The following HERC3 variants were observed in gnomAD, a reference collection of about 807,000 sequenced individuals.
The protein encoded by HERC3 is HECT and RLD domain containing E3 ubiquitin protein ligase 3.
HERC3 carries 58 observed loss-of-function variants against 129.9 expected under a neutral mutation model. The observed-to-expected ratio is 0.45, with a 90% confidence interval of 0.36 to 0.56. HERC3 has a LOEUF of 0.56. HERC3 is among the 20% of genes least tolerant of loss of function. The pLI is 0.00. For synonymous variants in HERC3, 430 were observed against 451.0 expected (o/e 0.95, Z 0.59); for missense variants, 835 against 1,244.2 (o/e 0.67, Z 4.95).
the HERC3 span, among the ~76,000 whole-genome samples, chr4:88,537,209 C>T: frequency 3.3e-5 from 5 of 152,154 alleles, no homozygotes; most frequent in African/African-American, 1.2e-4. Flanking sequence ...ATTTTTATAG[C>T]AAAAGGAAAA....
intron 3 of HERC3, among the ~76,000 whole-genome samples, chr4:88,648,725 A>AT (rs951128783): frequency 2.0e-4 from 30 of 151,014 alleles, no homozygotes; most frequent in South Asian, 1.1e-3. Context: ...TTTTCTTGTG[A>AT]TTTTTTTTTG....
At position 88,605,779 on chromosome 4, in the gene HERC3, T is replaced by G. The variant is rs759216532; in HGVS notation, c.-29-16T>G. Reference sequence around the variant, plus strand: ...TCTTTTTAATTAAAAAATAATTTTTTTAAACTCTCTCCTAGGCTACATGAT... The same window carrying G: ...TCTTTTTAATTAAAAAATAATTTTTGTAAACTCTCTCCTAGGCTACATGAT... On this transcript the variant is annotated splice_polypyrimidine_tract_variant and intron_variant, in intron 2 of 25. Transcript: ENST00000402738. 26 of 1,481,886 alleles carry G rather than the reference T, an allele frequency of 1.8e-5. No individual in the cohort carries two copies. Among genetic ancestry groups the G allele is most frequent in the Non-Finnish European group, 2.4e-5 (26 of 1,075,880 alleles). 91.8% of individuals were successfully genotyped at this position (1,481,886 alleles called of 1,614,324 possible).
At chr4:88,566,652 C>T in the HERC3 span, among the ~76,000 whole-genome samples, 6 of 152,194 alleles carry the variant, frequency 3.9e-5, no homozygotes, top group African/African-American at 1.4e-4. Context: ...TGAAGAACTC[C>T]CTTTAACATT....
At chr4:88,623,478 A>T (rs1725762014) in intron 3 of HERC3, among the ~76,000 whole-genome samples, 1 of 152,224 alleles carries the variant, frequency 6.6e-6, no homozygotes, top group African/African-American at 2.4e-5. Flanking sequence ...ATGAATGAAT[A>T]GCTCATTATC....
At chr4:88,541,460 C>T in the HERC3 span, among the ~76,000 whole-genome samples, 3 of 152,170 alleles carry the variant, frequency 2.0e-5, no homozygotes, top group Non-Finnish European at 4.4e-5. Flanking sequence ...TAGAGACCTA[C>T]AAAGAGACTT....
rs904564174 is a variant in HERC3, at chr4:88,707,133, T to C, written c.*173T>C. 1 of 621,900 alleles carries C rather than the reference T, an allele frequency of 1.6e-6. No individual in the cohort carries two copies. The allele number at this position is 621,900 out of a possible 1,614,324, so 38.5% of individuals were successfully genotyped here. A position where few individuals can be genotyped will look rare whatever the true frequency, so the allele number is the denominator to read the frequency against. Reference sequence around the variant, plus strand: ...GATTGTATAGCAGTAAACAACCTTTTTGAAAAATTAGAGGTTGGGGATGGG... The same window carrying C: ...GATTGTATAGCAGTAAACAACCTTTCTGAAAAATTAGAGGTTGGGGATGGG... On this transcript the variant is annotated 3_prime_UTR_variant, in exon 26 of 26. Transcript: ENST00000402738.
At chr4:88,669,527 G>C (rs538344583) in intron 14 of HERC3, among the ~76,000 whole-genome samples, 2 of 152,250 alleles carry the variant, frequency 1.3e-5, no homozygotes, top group Middle Eastern at 3.4e-3. Context: ...ACATAAGAAT[G>C]CTTTTTGGAT....
intron 3 of HERC3, among the ~76,000 whole-genome samples, chr4:88,630,397 A>G (rs1051243057): frequency 2.6e-5 from 4 of 152,082 alleles, no homozygotes; most frequent in African/African-American, 9.7e-5. Context: ...ATTGATTTTG[A>G]TTTTGATTAT....
At chr4:88,540,094 T>C in the HERC3 span, among the ~76,000 whole-genome samples, 1 of 152,170 alleles carries the variant, frequency 6.6e-6, no homozygotes, top group African/African-American at 2.4e-5. Context: ...ATGACTTTGA[T>C]GAGTTGACAG....
chr4:88,683,252 T>A (rs1215238230), intron 21 of HERC3, among the ~76,000 whole-genome samples: 1 of 152,204 alleles, frequency 6.6e-6, no homozygotes, highest in Admixed American at 6.5e-5. Flanking sequence ...AGATCAAGTA[T>A]ATAAAAGGAC....
chr4:88,667,025 C>G (rs1731119057), intron 12 of HERC3, among the ~76,000 whole-genome samples: 1 of 151,846 alleles, frequency 6.6e-6, no homozygotes, highest in South Asian at 2.1e-4. Flanking sequence ...AGAAAAAAAC[C>G]AAAAAACACA....
intron 20 of HERC3, 97 bp from the exon 21 acceptor site, chr4:88,681,062 T>C (rs1236711998): frequency 6.8e-7 from 1 of 1,475,186 alleles, no homozygotes; most frequent in East Asian, 2.3e-5. Context: ...AGACCTTTAT[T>C]CTTTTATTTT....
At chr4:88,571,557 C>T in the HERC3 span, among the ~76,000 whole-genome samples, 1 of 152,126 alleles carries the variant, frequency 6.6e-6, no homozygotes, top group Non-Finnish European at 1.5e-5. Context: ...CTAGACAGCC[C>T]AGGTGCAAAG....
At chr4:88,578,424 A>AGG in the HERC3 span, among the ~76,000 whole-genome samples, 2 of 152,066 alleles carry the variant, frequency 1.3e-5, no homozygotes, top group Non-Finnish European at 2.9e-5. Flanking sequence ...TCTACTAAAA[A>AGG]TACAAAAATT....
At chr4:88,665,105 C>T (rs1259491046) in intron 12 of HERC3, among the ~76,000 whole-genome samples, 1 of 152,098 alleles carries the variant, frequency 6.6e-6, no homozygotes, top group Non-Finnish European at 1.5e-5. Context: ...CCCTGTGTTA[C>T]TCAAGGTTCT....
chr4:88,572,549 A>G, the HERC3 span, among the ~76,000 whole-genome samples: 3 of 151,812 alleles, frequency 2.0e-5, no homozygotes, highest in Non-Finnish European at 4.4e-5. Context: ...GGTGGCTCAC[A>G]CCTGTAGTCC....
chr4:88,642,479 G>T (rs563281254), intron 3 of HERC3, among the ~76,000 whole-genome samples: 1 of 152,222 alleles, frequency 6.6e-6, no homozygotes, highest in Admixed American at 6.5e-5. Flanking sequence ...GTTCATTTGG[G>T]GTGCTATAAC....
intron 20 of HERC3, chr4:88,680,866 A>C (rs1206201056): frequency 4.6e-6 from 1 of 217,158 alleles, no homozygotes; most frequent in Non-Finnish European, 7.8e-6. Flanking sequence ...ACCATATAAG[A>C]TGGGACAGAA....
intron 3 of HERC3, among the ~76,000 whole-genome samples, chr4:88,630,149 A>G (rs1726578442): frequency 6.6e-6 from 1 of 152,216 alleles, no homozygotes; most frequent in Non-Finnish European, 1.5e-5. Flanking sequence ...TTTATTTTCT[A>G]AATGGACCTG....
Sources: allele counts gnomAD v4.1 joint callset (sites outside exome capture counted in the v4.1 genomes callset), GRCh38; gene constraint gnomAD v4.1.1; transcripts MANE v1.5; gene names NCBI Gene and HGNC (gene_info 2026-07-23, HGNC 2026-07-21).